LRMDA: variants seen among roughly 807,000 people sequenced by gnomAD.
LRMDA encodes leucine-rich melanocyte differentiation-associated protein.
A neutral mutation model predicts 29.8 loss-of-function variants in LRMDA; 18 were observed. The ratio of observed to expected loss-of-function variants is 0.60; its 90% CI spans 0.42 to 0.90. The LOEUF (loss-of-function observed/expected upper bound fraction) is 0.90, where lower values mean the gene tolerates loss of function less well. Ranked by LOEUF, LRMDA falls within the 40% of genes least tolerant of loss-of-function variation. The probability of loss-of-function intolerance (pLI) is 0.00; values close to 1 mark genes in which losing one functional copy is unlikely to be tolerated. For missense variants in LRMDA, 273 were observed against 273.9 expected, an observed-to-expected ratio of 1.00 and a Z score of 0.02; for synonymous variants, 125 against 109.4, an observed-to-expected ratio of 1.14 and a Z score of -0.89.
intron 2 of LRMDA, among the ~76,000 whole-genome samples, chr10:75,591,031 C>T (rs1014558161): frequency 2.6e-5 from 4 of 151,990 alleles, no homozygotes; most frequent in African/African-American, 9.7e-5. Context: ...CATGAGCCAC[C>T]GCGCCAGGTC....
At chr10:75,982,071 TC>T (rs2132450330) in intron 2 of LRMDA, among the ~76,000 whole-genome samples, 1 of 152,232 alleles carries the variant, frequency 6.6e-6, no homozygotes, top group South Asian at 2.1e-4. Flanking sequence ...CTGTCAAATC[TC>T]CCCTGATATC....
At chr10:76,282,292 G>A (rs1840216069) in intron 5 of LRMDA, among the ~76,000 whole-genome samples, 1 of 152,144 alleles carries the variant, frequency 6.6e-6, no homozygotes, top group Non-Finnish European at 1.5e-5. Flanking sequence ...TAATTAATTG[G>A]CCGTTTCTGT....
At chr10:75,946,585 G>A (rs911868109) in intron 2 of LRMDA, among the ~76,000 whole-genome samples, 7 of 152,186 alleles carry the variant, frequency 4.6e-5, no homozygotes, top group Admixed American at 6.5e-5. Context: ...GTATGGTGGG[G>A]AAAATATGGT....
At chr10:75,599,598 G>T (rs771146128) in intron 2 of LRMDA, among the ~76,000 whole-genome samples, 1 of 152,144 alleles carries the variant, frequency 6.6e-6, no homozygotes, top group Non-Finnish European at 1.5e-5. Flanking sequence ...GAAGGTAAAA[G>T]GTTGGCAGGG....
chr10:75,993,907 T>G (rs1409734846), intron 2 of LRMDA, among the ~76,000 whole-genome samples: 2 of 152,168 alleles, frequency 1.3e-5, no homozygotes, highest in Non-Finnish European at 2.9e-5. Flanking sequence ...TTCTTGGAGA[T>G]TGTTTTCTTT....
chr10:76,413,026 A>G (rs1242312593), intron 6 of LRMDA, among the ~76,000 whole-genome samples: 1 of 152,014 alleles, frequency 6.6e-6, no homozygotes, highest in Non-Finnish European at 1.5e-5. Context: ...GACTCTTTGG[A>G]TGAGTCCTGG....
intron 6 of LRMDA, among the ~76,000 whole-genome samples, chr10:76,325,084 T>C (rs2132399018): frequency 6.6e-6 from 1 of 152,332 alleles, no homozygotes; most frequent in Non-Finnish European, 1.5e-5. Context: ...CATTTGAAAA[T>C]GTCTTATCCC....
intron 5 of LRMDA, among the ~76,000 whole-genome samples, chr10:76,316,488 G>A (rs1840701234): frequency 6.6e-6 from 1 of 152,184 alleles, no homozygotes; most frequent in Non-Finnish European, 1.5e-5. Context: ...TGCCAGCTGA[G>A]CGCAGCCTGC....
At chr10:75,570,351 T>C (rs948069035) in intron 2 of LRMDA, among the ~76,000 whole-genome samples, 3 of 152,238 alleles carry the variant, frequency 2.0e-5, no homozygotes, top group African/African-American at 7.2e-5. Context: ...GGAGCTCTGC[T>C]GGACCTGGGG....
At chr10:76,133,513 A>G (rs5023489) in intron 5 of LRMDA, among the ~76,000 whole-genome samples, 32,108 of 152,056 alleles carry the variant, frequency 0.21, 3,564 homozygotes, top group African/African-American at 0.26. Flanking sequence ...CCCCGGGTGC[A>G]GGTAGGGTCA....
At chr10:75,849,673 T>C (rs765023102) in intron 2 of LRMDA, among the ~76,000 whole-genome samples, 5 of 152,136 alleles carry the variant, frequency 3.3e-5, no homozygotes, top group Non-Finnish European at 5.9e-5. Flanking sequence ...AACTAGGTGA[T>C]GGGTTGATAG....
chr10:76,265,658 C>A (rs1420459683), intron 5 of LRMDA, among the ~76,000 whole-genome samples: 1 of 152,150 alleles, frequency 6.6e-6, no homozygotes, highest in Non-Finnish European at 1.5e-5. Flanking sequence ...ACCCATCAGG[C>A]CCTTATGGGC....
intron 2 of LRMDA, among the ~76,000 whole-genome samples, chr10:75,843,425 A>T (rs1308303762): frequency 1.3e-5 from 2 of 152,216 alleles, no homozygotes; most frequent in African/African-American, 4.8e-5. Context: ...GGTATAGAGA[A>T]GGGGGACAAG....
At chr10:75,599,206 T>C (rs1415538166) in intron 2 of LRMDA, among the ~76,000 whole-genome samples, 2 of 152,150 alleles carry the variant, frequency 1.3e-5, no homozygotes, top group East Asian at 3.8e-4. Context: ...CTACAGAGTT[T>C]GTCTTGTAAA....
intron 6 of LRMDA, among the ~76,000 whole-genome samples, chr10:76,516,497 C>T (rs1030860781): frequency 2.6e-5 from 4 of 151,666 alleles, no homozygotes; most frequent in East Asian, 1.9e-4. Flanking sequence ...CTCCCCACTA[C>T]CCCCACCCCA....
At chr10:75,554,743 T>C (rs1249992382) in intron 2 of LRMDA, among the ~76,000 whole-genome samples, 2 of 152,214 alleles carry the variant, frequency 1.3e-5, no homozygotes, top group African/African-American at 4.8e-5. Flanking sequence ...CTGTACTATT[T>C]TCTAGAAGAG....
rs74618467 is a variant in LRMDA, at chr10:75,658,267, G to C, written c.131+219773G>C. The stretch of plus-strand genomic sequence containing the variant: ...GAATGAGATCCTTGTTGGAACTCTA[G>C]AGTTGCTTACCAGAGTTCAAAGAAA... On this transcript the variant is annotated intron_variant, in intron 2 of 6. Transcript: ENST00000611255. Among the ~76,000 whole-genome samples, 751 of 139,528 alleles carry C rather than the reference G, an allele frequency of 5.4e-3. 11 individuals are homozygous for C. The highest frequency in any genetic ancestry group is 0.02 in the African/African-American group (734 of 36,344). The allele number at this position is 139,528 out of a possible 152,430, so 91.5% of individuals were successfully genotyped here. A position where few individuals can be genotyped will look rare whatever the true frequency, so the allele number is the denominator to read the frequency against.
intron 2 of LRMDA, among the ~76,000 whole-genome samples, chr10:75,658,593 G>T (rs1361669662): frequency 6.6e-6 from 1 of 152,138 alleles, no homozygotes; most frequent in Non-Finnish European, 1.5e-5. Flanking sequence ...AGGGACTGAG[G>T]ATTTCTGCAG....
At chr10:75,732,359 C>T (rs1051877829) in intron 2 of LRMDA, among the ~76,000 whole-genome samples, 10 of 152,226 alleles carry the variant, frequency 6.6e-5, no homozygotes, top group African/African-American at 2.4e-4. Flanking sequence ...TCTCCTCTAA[C>T]ATTTGCAGAT....
Sources: allele counts gnomAD v4.1 joint callset (sites outside exome capture counted in the v4.1 genomes callset), GRCh38; gene constraint gnomAD v4.1.1; transcripts MANE v1.5; gene names NCBI Gene and HGNC (gene_info 2026-07-23, HGNC 2026-07-21).